SEMA4D: variants seen among roughly 807,000 people sequenced by gnomAD.
The protein encoded by SEMA4D is semaphorin-4D.
SEMA4D carries 22 observed loss-of-function variants against 74.8 expected under a neutral mutation model. The observed-to-expected ratio is 0.29, with a 90% CI of 0.21 to 0.42. The LOEUF is 0.42. Among genes scored for constraint, SEMA4D ranks in the 10% least tolerant of loss-of-function variants. The pLI is 1.00. For missense variants in SEMA4D, 937 were observed against 1,118.4 expected (o/e 0.84, Z 2.31); for synonymous variants, 445 against 463.7 (o/e 0.96, Z 0.52).
intron 2 of SEMA4D, among the ~76,000 whole-genome samples, chr9:89,427,111 ACT>A (rs1476515582): frequency 1.3e-5 from 2 of 152,090 alleles, no homozygotes; most frequent in Non-Finnish European, 1.5e-5. Context: ...AGGTAGATAC[ACT>A]CTACTCTAAT....
intron 1 of SEMA4D, among the ~76,000 whole-genome samples, chr9:89,458,610 A>G (rs1364626557): frequency 6.6e-6 from 1 of 152,124 alleles, no homozygotes; most frequent in Non-Finnish European, 1.5e-5. Flanking sequence ...GCACACAGGT[A>G]CACCACACCC....
At chr9:89,393,918 T>C (rs1343071661) in intron 6 of SEMA4D, among the ~76,000 whole-genome samples, 1 of 152,210 alleles carries the variant, frequency 6.6e-6, no homozygotes, top group Non-Finnish European at 1.5e-5. Context: ...AATTTACTCA[T>C]CTGCAAAATG....
intron 18 of SEMA4D, chr9:89,363,378 G>A (rs1833052548): frequency 1.3e-6 from 2 of 1,596,244 alleles, no homozygotes; most frequent in African/African-American, 2.7e-5. Context: ...TGTGGCAGGT[G>A]CCCTGCCCCT....
chr9:89,378,121 C>G lies in SEMA4D; in HGVS notation c.*583G>C, dbSNP rs1432932846. The G allele has an allele frequency of 6.6e-6, 1 of 152,264 alleles. No homozygotes were observed. Among genetic ancestry groups the G allele is most frequent in the African/African-American group, 2.4e-5 (1 of 41,266 alleles). The allele number at this position is 152,264 out of a possible 1,614,324, so 9.4% of individuals were successfully genotyped here. ...GCCGTATTTTATGCCAAATATATAA[C>G]AAAATCTGGAAGATATACATCTTCT... is the stretch of plus-strand genomic sequence containing the variant. On this transcript the variant is annotated 3_prime_UTR_variant, in exon 16 of 16. Transcript: ENST00000422704.
chr9:89,410,084 C>T (rs1308251413), intron 2 of SEMA4D, among the ~76,000 whole-genome samples: 6 of 3,316 alleles, frequency 1.8e-3, no homozygotes, highest in Non-Finnish European at 3.1e-3. Flanking sequence ...TGGGGGTGGG[C>T]GGTGGGGTAA....
At chr9:89,456,712 G>C (rs1856016262) in intron 1 of SEMA4D, among the ~76,000 whole-genome samples, 1 of 152,166 alleles carries the variant, frequency 6.6e-6, no homozygotes, top group Non-Finnish European at 1.5e-5. Context: ...TCAGCCTCCT[G>C]AGTAGCTGAG....
At position 89,428,704 on chromosome 9, in the gene SEMA4D, G is replaced by A. The variant is rs139706395; in HGVS notation, c.-243-23005C>T. On this transcript the variant is annotated intron_variant, in intron 2 of 15. Coordinates refer to ENST00000422704, the MANE Select transcript of SEMA4D (RefSeq NM_001371194.2). ...CTCCTGCACCAGGGCAATGGCCCCCGGCCCCACCTACAGGACCATGGTGCA... is the reference window on the plus strand; with the variant it reads ...CTCCTGCACCAGGGCAATGGCCCCCAGCCCCACCTACAGGACCATGGTGCA... 2.7e-3 allele frequency among the ~76,000 whole-genome samples: 418 copies of A among 152,314 alleles called. 1 individual carries two copies. Among genetic ancestry groups the A allele is most frequent in the African/African-American group, 9.6e-3 (401 of 41,562 alleles).
chr9:89,457,573 C>T (rs1167134658), intron 1 of SEMA4D, among the ~76,000 whole-genome samples: 1 of 151,752 alleles, frequency 6.6e-6, no homozygotes, highest in Non-Finnish European at 1.5e-5. Flanking sequence ...CCCATCTCTA[C>T]AAAACAAAGT....
At chr9:89,384,612 A>G (rs1188301037) in intron 13 of SEMA4D, 1 of 966,138 alleles carries the variant, frequency 1.0e-6, no homozygotes. Context: ...GACGTGCACA[A>G]TGAAAAATGG....
intron 17 of SEMA4D, chr9:89,363,708 A>T: frequency 6.2e-7 from 1 of 1,602,646 alleles, no homozygotes; most frequent in Non-Finnish European, 8.5e-7. Context: ...ATTACCTCAT[A>T]AAAGGGTAAC....
downstream of SEMA4D, chr9:89,376,772 C>T: frequency 6.6e-7 from 1 of 1,512,038 alleles, no homozygotes; most frequent in Non-Finnish European, 8.9e-7. Flanking sequence ...CCCCGCCCGC[C>T]CCCCACCTGT....
At chr9:89,412,413 T>C (rs1034486657) in intron 2 of SEMA4D, among the ~76,000 whole-genome samples, 3 of 152,212 alleles carry the variant, frequency 2.0e-5, no homozygotes, top group Non-Finnish European at 4.4e-5. Flanking sequence ...GGTTCTCCTG[T>C]GTGGCTTTAA....
intron 6 of SEMA4D, 38 bp downstream of exon 6, chr9:89,396,699 G>T: frequency 6.5e-7 from 1 of 1,548,032 alleles, no homozygotes; most frequent in Non-Finnish European, 8.9e-7. Context: ...CTGCTGACCA[G>T]GCTGGCGTGA....
intron 13 of SEMA4D, chr9:89,385,473 G>A (rs1432033824): frequency 1.0e-6 from 1 of 985,246 alleles, no homozygotes; most frequent in Non-Finnish European, 1.2e-6. Flanking sequence ...AATCTCCAGG[G>A]CTCCCTTTGT....
chr9:89,399,891 G>A (rs1389905957), intron 4 of SEMA4D, among the ~76,000 whole-genome samples: 2 of 151,358 alleles, frequency 1.3e-5, no homozygotes, highest in East Asian at 1.9e-4. Context: ...CCAGCTACTC[G>A]AGAGGCTGAG....
intron 2 of SEMA4D, among the ~76,000 whole-genome samples, chr9:89,420,362 A>C (rs4877086): frequency 6.6e-6 from 1 of 152,244 alleles, no homozygotes; most frequent in Non-Finnish European, 1.5e-5. Flanking sequence ...ATTACTCATC[A>C]TGCTGTTTTA....
Position 89,384,036 on chromosome 9 carries a change from C to A in SEMA4D, c.1446+2331G>T, listed in dbSNP as rs146264264. ...CTGAGCTGTCTAAGTGCCTTCCTTG[C>A]CCTCTGCCACGCTAGCTGTAGCTCA... On this transcript the variant is annotated intron_variant, in intron 13 of 15. Coordinates refer to ENST00000422704, the MANE Select transcript of SEMA4D (RefSeq NM_001371194.2). Among the ~76,000 whole-genome samples the A allele has an allele frequency of 3.4e-3, 519 of 152,312 alleles. 1 individual carries two copies. Among genetic ancestry groups the A allele is most frequent in the African/African-American group, 0.012 (481 of 41,570 alleles).
chr9:89,493,226 G>A (rs1825761557), intron 1 of SEMA4D, among the ~76,000 whole-genome samples: 1 of 152,212 alleles, frequency 6.6e-6, no homozygotes, highest in South Asian at 2.1e-4. Flanking sequence ...TCAGCTCCTT[G>A]TGGGCCCTCA....
chr9:89,458,650 C>T (rs1856526669), intron 1 of SEMA4D, among the ~76,000 whole-genome samples: 1 of 151,876 alleles, frequency 6.6e-6, no homozygotes, highest in African/African-American at 2.4e-5. Context: ...CATGTATATT[C>T]ACATACAAAA....
Sources: gnomAD v4.1 joint callset for allele counts (sites outside exome capture counted in the v4.1 genomes callset) on GRCh38, gnomAD v4.1.1 for gene constraint, MANE v1.5 for transcripts, NCBI Gene and HGNC (gene_info 2026-07-23, HGNC 2026-07-21) for gene names.